SHISA5: variants seen among roughly 807,000 people sequenced by gnomAD.
SHISA5 encodes shisa family member 5, also known as protein shisa-5.
Under a neutral mutation model 27.5 loss-of-function variants are expected in SHISA5, and 21 were observed. That is an observed-to-expected ratio of 0.76 (90% CI 0.54 to 1.10). The LOEUF (loss-of-function observed/expected upper bound fraction) is 1.10. Ranked by LOEUF, SHISA5 falls within the 50% of genes least tolerant of loss-of-function variation. SHISA5 has a pLI of 0.00. For missense variants in SHISA5, 314 were observed against 336.3 expected (o/e 0.93, Z 0.52); for synonymous variants, 137 against 142.2 (o/e 0.96, Z 0.26).
chr3:48,503,741 T>A (rs1440603916), intron 1 of SHISA5: 135 of 1,215,932 alleles, frequency 1.1e-4, no homozygotes, highest in Non-Finnish European at 1.4e-4. Flanking sequence ...GGGGACTCCA[T>A]CCCCTGGAAC....
chr3:48,468,439 G>C lies in SHISA5; in HGVS notation c.*668C>G, dbSNP rs755050097. The C allele has an allele frequency of 8.7e-7, 1 of 1,148,768 alleles. No homozygotes were observed. The highest frequency in any genetic ancestry group is 1.1e-6 in the Non-Finnish European group (1 of 923,532). 71.2% of individuals were successfully genotyped at this position (1,148,768 alleles called of 1,614,324 possible). A position where few individuals can be genotyped will look rare whatever the true frequency, so the allele number is the denominator to read the frequency against. ...AGATGCGGGGACAGGGGACAGTCCA[G>C]GCAGACAGGTACAGCTGAGTAGGGC... On this transcript the variant is annotated 3_prime_UTR_variant, in exon 6 of 6. Transcript: ENST00000296444.
chr3:48,476,741 G>A (rs2040838955), intron 3 of SHISA5: 1 of 172,916 alleles, frequency 5.8e-6, no homozygotes, highest in Admixed American at 6.2e-5. Context: ...GCAGGTCCTA[G>A]GCATGAGCTG....
rs1181792963 is a variant in SHISA5, at chr3:48,468,729, C to T, written c.*378G>A. 9.1e-6 allele frequency: 12 copies of T among 1,324,700 alleles called. No homozygotes were observed. The Admixed American group carries it at 2.8e-4, about 31-fold the overall frequency. The allele number at this position is 1,324,700 out of a possible 1,614,324, so 82.1% of individuals were successfully genotyped here. ...GCTGCGCCACCCTGGTGTGACAGGC[C>T]CTACTTGGTCACCCTAGGGTAAGCT... On this transcript the variant is annotated 3_prime_UTR_variant, in exon 6 of 6. Coordinates refer to ENST00000296444, the MANE Select transcript of SHISA5 (RefSeq NM_016479.6).
chr3:48,483,721 AC>A (rs1553826200), intron 2 of SHISA5, among the ~76,000 whole-genome samples: 1 of 142,796 alleles, frequency 7.0e-6, no homozygotes, highest in South Asian at 2.2e-4. Context: ...TGGGGGGCTG[AC>A]CCCCCCACCT....
Position 48,472,143 on chromosome 3 carries a change from T to C in SHISA5, c.315-2300A>G, listed in dbSNP as rs551861749. ...TTGCAGTGAGCTAAGATTGTGCCAC[T>C]GCACTCCAGCCTGAGCAACAGTGGG... On this transcript the variant is annotated intron_variant, in intron 3 of 5. Transcript: ENST00000296444. Among the ~76,000 whole-genome samples the C allele has an allele frequency of 1.8e-4, 27 of 150,926 alleles. 1 individual carries two copies. The highest frequency in any genetic ancestry group is 5.9e-4 in the African/African-American group (24 of 40,952).
rs746580163 is a variant in SHISA5, at chr3:48,504,061, A to G, written c.34T>C (p.Leu12=). 6.0e-5 allele frequency: 86 copies of G among 1,438,276 alleles called. No homozygotes were observed. Among genetic ancestry groups the G allele is most frequent in the Non-Finnish European group, 7.7e-5 (84 of 1,090,802 alleles). The allele number at this position is 1,438,276 out of a possible 1,614,324, so 89.1% of individuals were successfully genotyped here. ...TAPVPAPRIL[L]PLLLLLLLTP... ...AGCAGCAGCAGCAACAGCAACGGCA[A>G]CAGGATCCGCGGCGCGGGGACCGGC... The change falls in exon 1 of 6, where the codon TTG becomes CTG. Residue 12 remains leucine (L), a synonymous_variant. Transcript: ENST00000296444. The surrounding 1 kb of genome is among the most constrained non-coding windows in gnomAD (Gnocchi z 4.0).
In SHISA5 at chr3:48,468,375, G is replaced by A. The variant is rs537374104; in HGVS notation, c.*732C>T. ...CAGCAGAGCTCCCTGGGGGCAGCTAGGCTGTGTGTGCATGTGGCCCTCCAG... is the reference window on the plus strand; with the variant it reads ...CAGCAGAGCTCCCTGGGGGCAGCTAAGCTGTGTGTGCATGTGGCCCTCCAG... On this transcript the variant is annotated 3_prime_UTR_variant, in exon 6 of 6. Transcript: ENST00000296444. 24 of 1,079,856 alleles carry A rather than the reference G, an allele frequency of 2.2e-5. No homozygotes were observed. The African/African-American group carries it at 3.3e-4, about 15-fold the overall frequency. 66.9% of individuals were successfully genotyped at this position (1,079,856 alleles called of 1,614,324 possible).
intron 3 of SHISA5, chr3:48,476,963 A>T (rs996213116): frequency 7.3e-6 from 3 of 410,282 alleles, no homozygotes; most frequent in Admixed American, 6.5e-5. Context: ...CACCTTGGGG[A>T]GTCAGAGGTG....
At chr3:48,496,781 A>T (rs1002189011) in intron 2 of SHISA5, among the ~76,000 whole-genome samples, 1 of 150,688 alleles carries the variant, frequency 6.6e-6, no homozygotes, top group African/African-American at 2.4e-5. Context: ...ATAATACCAT[A>T]AAAAAAAACA....
In SHISA5 at chr3:48,473,435, G is replaced by T. The variant is rs764720046; in HGVS notation, c.315-3592C>A. On this transcript the variant is annotated intron_variant, in intron 3 of 5. Coordinates refer to ENST00000296444, the MANE Select transcript of SHISA5 (RefSeq NM_016479.6). This position sits in a 1 kb window ranked among gnomAD's most constrained non-coding sequence, Gnocchi z 4.3. ...CACCCCCACTTCCACCTAACCCACC[G>T]GCCCTGTTCCACCAGCCTCCAGGAG... is the stretch of plus-strand genomic sequence containing the variant. The T allele has an allele frequency of 2.3e-6, 3 of 1,300,078 alleles. No individual in the cohort carries two copies. Among genetic ancestry groups the T allele is most frequent in the Non-Finnish European group, 3.0e-6 (3 of 996,098 alleles). 80.5% of individuals were successfully genotyped at this position (1,300,078 alleles called of 1,614,324 possible). A position where few individuals can be genotyped will look rare whatever the true frequency, so the allele number is the denominator to read the frequency against.
chr3:48,471,721 A>T lies in SHISA5; in HGVS notation c.315-1878T>A, dbSNP rs192711869. Among the ~76,000 whole-genome samples, 34 of 150,792 alleles carry T rather than the reference A, an allele frequency of 2.3e-4. No homozygotes were observed. The East Asian group carries it at 4.3e-3, about 19-fold the overall frequency. On this transcript the variant is annotated intron_variant, in intron 3 of 5. Transcript: ENST00000296444. Reference sequence around the variant, plus strand: ...TGAGGTCTGGAATTCGAGAAAGTATAAAAAAAATTAGCCGGACATGATGGT... The same window carrying T: ...TGAGGTCTGGAATTCGAGAAAGTATTAAAAAAATTAGCCGGACATGATGGT...
chr3:48,503,676 G>A (rs1002082499), intron 1 of SHISA5: 1 of 1,109,562 alleles, frequency 9.0e-7, no homozygotes, highest in Non-Finnish European at 1.1e-6. Context: ...GGGCCAGCTC[G>A]CCCTGCAGCC....
chr3:48,473,503 C>A lies in SHISA5; in HGVS notation c.315-3660G>T. 7.7e-7 allele frequency: 1 copy of A among 1,290,462 alleles called. No homozygotes were observed. Among genetic ancestry groups the A allele is most frequent in the Non-Finnish European group, 1.0e-6 (1 of 989,594 alleles). The allele number at this position is 1,290,462 out of a possible 1,614,324, so 79.9% of individuals were successfully genotyped here. The stretch of plus-strand genomic sequence containing the variant: ...TAGGCCCAGAGGGCGACCCTGGGGC[C>A]CTGGCTGACACACATGCAAGGAGCA... On this transcript the variant is annotated intron_variant, in intron 3 of 5. Transcript: ENST00000296444. This position sits in a 1 kb window ranked among gnomAD's most constrained non-coding sequence, Gnocchi z 4.3.
intron 2 of SHISA5, among the ~76,000 whole-genome samples, chr3:48,486,664 G>A (rs1411048853): frequency 2.2e-4 from 31 of 141,052 alleles, no homozygotes; most frequent in East Asian, 1.2e-3. Context: ...AGGCGGAGGC[G>A]GGTGGATCAC....
At position 48,468,941 on chromosome 3, in the gene SHISA5, T is replaced by A; in HGVS notation, c.*166A>T. ...AGGATTGTTCCCCACCTTGTCAGCATCAGAGGAAGCCACATATACAGGCAG... is the reference window on the plus strand; with the variant it reads ...AGGATTGTTCCCCACCTTGTCAGCAACAGAGGAAGCCACATATACAGGCAG... On this transcript the variant is annotated 3_prime_UTR_variant, in exon 6 of 6. Transcript: ENST00000296444. 1 of 1,560,086 alleles carries A rather than the reference T, an allele frequency of 6.4e-7. No homozygotes were observed. The highest frequency in any genetic ancestry group is 8.6e-7 in the Non-Finnish European group (1 of 1,160,478).
chr3:48,473,468 T>C lies in SHISA5; in HGVS notation c.315-3625A>G. On this transcript the variant is annotated intron_variant, in intron 3 of 5. Coordinates refer to ENST00000296444, the MANE Select transcript of SHISA5 (RefSeq NM_016479.6). The surrounding 1 kb of genome is among the most constrained non-coding windows in gnomAD (Gnocchi z 4.3). ...TCCACCAGCCTCCAGGAGGAGCTTC[T>C]GCATCCATCTAGGCCCAGAGGGCGA... 7.7e-7 allele frequency: 1 copy of C among 1,293,366 alleles called. No individual in the cohort carries two copies. The highest frequency in any genetic ancestry group is 1.0e-6 in the Non-Finnish European group (1 of 991,634). 80.1% of individuals were successfully genotyped at this position (1,293,366 alleles called of 1,614,324 possible).
Position 48,494,536 on chromosome 3 carries a change from A to AC in SHISA5, c.233+6600dup, listed in dbSNP as rs1345100502. Among the ~76,000 whole-genome samples, 430 of 144,496 alleles carry AC rather than the reference A, an allele frequency of 3.0e-3. 41 individuals carry two copies. The highest frequency in any genetic ancestry group is 6.7e-3 in the African/African-American group (240 of 35,804). The allele number at this position is 144,496 out of a possible 152,430, so 94.8% of individuals were successfully genotyped here. ...TCTCGATCTCCTGACCTCGTGATCC[A>AC]CCCCCCCTTGGCCTCCCAAAGTGCT... is the stretch of plus-strand genomic sequence containing the variant. On this transcript the variant is annotated intron_variant, in intron 2 of 5. Coordinates refer to ENST00000296444, the MANE Select transcript of SHISA5 (RefSeq NM_016479.6).
chr3:48,503,242 GCTCTCTGACCCCCAGAC>G (rs1304142274), intron 1 of SHISA5: 2 of 1,172,126 alleles, frequency 1.7e-6, no homozygotes, highest in African/African-American at 3.2e-5. Flanking sequence ...TGGCACAAAT[GCTCTCTGACCCCCAGAC>G]CTCACTGAAT....
Position 48,468,870 on chromosome 3 carries a change from T to A in SHISA5, c.*237A>T. On this transcript the variant is annotated 3_prime_UTR_variant, in exon 6 of 6. Coordinates refer to ENST00000296444, the MANE Select transcript of SHISA5 (RefSeq NM_016479.6). The stretch of plus-strand genomic sequence containing the variant: ...GGCTTGAGATTTTAGGAAGCATAAT[T>A]TCAGGTGAGGAAGAGAACAAAGTCT... The A allele has an allele frequency of 6.5e-7, 1 of 1,526,718 alleles. No individual in the cohort carries two copies. Among genetic ancestry groups the A allele is most frequent in the Non-Finnish European group, 8.8e-7 (1 of 1,141,068 alleles). 94.6% of individuals were successfully genotyped at this position (1,526,718 alleles called of 1,614,324 possible).
Sources: allele counts gnomAD v4.1 joint callset (sites outside exome capture counted in the v4.1 genomes callset), GRCh38; gene constraint gnomAD v4.1.1; non-coding constraint Gnocchi (gnomAD v3.1); transcripts MANE v1.5; gene names NCBI Gene and HGNC (gene_info 2026-07-23, HGNC 2026-07-21).